Variants in ADARB1 observed in about 807,000 individuals in gnomAD.
ADARB1 encodes the protein adenosine deaminase RNA specific B1.
ADARB1 carries 10 observed loss-of-function variants against 52.4 expected under a neutral mutation model. The observed-to-expected ratio is 0.19, with a 90% CI of 0.12 to 0.32. ADARB1 has a LOEUF of 0.32. Ranked by LOEUF, ADARB1 falls within the 10% of genes least tolerant of loss-of-function variation. ADARB1 has a pLI of 1.00. For missense variants in ADARB1, 643 were observed against 922.3 expected (o/e 0.70, Z 3.92); for synonymous variants, 349 against 371.1 (o/e 0.94, Z 0.68).
chr21:45,106,193 C>CTTTT (rs35544997), intron 1 of ADARB1, among the ~76,000 whole-genome samples: 3,194 of 146,484 alleles, frequency 0.022, 109 homozygotes, highest in African/African-American at 0.072. Context: ...CCGTGGGAGG[C>CTTTT]TTTTTTTTTT....
chr21:45,078,905 C>T (rs948151954), intron 1 of ADARB1, among the ~76,000 whole-genome samples: 2 of 152,120 alleles, frequency 1.3e-5, no homozygotes, highest in Non-Finnish European at 2.9e-5. Context: ...GCATTATTAT[C>T]ATTATTCCCA....
chr21:45,176,159 T>C lies in ADARB1; in HGVS notation c.458T>C (p.Leu153Pro). The change falls in exon 4 of 11, where the codon CTG becomes CCG. Residue 153 changes from leucine to proline, a missense_variant. Leu to Pro is a moderately conservative substitution (Grantham distance 98). This residue lies in a region of ADARB1 where 380 missense variants were observed against 446.5 expected (regional missense o/e 0.85). Coordinates refer to ENST00000348831, the MANE Select transcript of ADARB1 (RefSeq NM_001112.4). The surrounding 1 kb of genome is among the most constrained non-coding windows in gnomAD (Gnocchi z 5.8). ...TTTCCTAATGCCTCTGAGGCCCACCTGGCCATGGGGAGGACCCTGTCTGTC... is the reference window on the plus strand; with the variant it reads ...TTTCCTAATGCCTCTGAGGCCCACCCGGCCATGGGGAGGACCCTGTCTGTC... ...VQFPNASEAH[L>P]AMGRTLSVNT... The C allele has an allele frequency of 1.2e-6, 2 of 1,614,226 alleles. No homozygotes were observed. The highest frequency in any genetic ancestry group is 1.7e-6 in the Non-Finnish European group (2 of 1,180,026).
intron 1 of ADARB1, among the ~76,000 whole-genome samples, chr21:45,097,994 C>T (rs1263677037): frequency 6.6e-6 from 1 of 152,166 alleles, no homozygotes. Context: ...CAGTGAACGT[C>T]ACCAACACCC....
chr21:45,165,084 C>A (rs2091190855), intron 2 of ADARB1, among the ~76,000 whole-genome samples: 1 of 152,200 alleles, frequency 6.6e-6, no homozygotes, highest in Non-Finnish European at 1.5e-5. Context: ...CAGGCCCACC[C>A]CCGCCCAGCC....
chr21:45,222,361 C>T lies in ADARB1; in HGVS notation c.*164C>T, dbSNP rs1184889738. 1 of 1,373,392 alleles carries T rather than the reference C, an allele frequency of 7.3e-7. No individual in the cohort carries two copies. Among genetic ancestry groups the T allele is most frequent in the African/African-American group, 1.5e-5 (1 of 67,108 alleles). The allele number at this position is 1,373,392 out of a possible 1,614,324, so 85.1% of individuals were successfully genotyped here. ...TTGTCCCCAGCATCTCACATCAGAC[C>T]TGGGGCAGGTGCGCAGTGTGGGGAG... On this transcript the variant is annotated 3_prime_UTR_variant, in exon 11 of 11. Coordinates refer to ENST00000348831, the MANE Select transcript of ADARB1 (RefSeq NM_001112.4).
intron 2 of ADARB1, among the ~76,000 whole-genome samples, chr21:45,139,509 G>A (rs1218780968): frequency 6.6e-6 from 1 of 152,110 alleles, no homozygotes; most frequent in Non-Finnish European, 1.5e-5. Context: ...CTGGCATGGA[G>A]TGGTAGAGCA....
intron 2 of ADARB1, among the ~76,000 whole-genome samples, chr21:45,169,894 A>T (rs1275598301): frequency 6.6e-6 from 1 of 152,098 alleles, no homozygotes; most frequent in Admixed American, 6.5e-5. Flanking sequence ...GCATGTCCTC[A>T]TTTTTTGGCC....
intron 8 of ADARB1, among the ~76,000 whole-genome samples, chr21:45,195,786 CA>C (rs373446969): frequency 1.1e-4 from 16 of 152,168 alleles, no homozygotes; most frequent in Admixed American, 2.6e-4. Flanking sequence ...ATTCTTTCAC[CA>C]ATACCATGCT....
intron 1 of ADARB1, among the ~76,000 whole-genome samples, chr21:45,092,350 CTCTT>C (rs1213792023): frequency 1.3e-5 from 2 of 152,228 alleles, no homozygotes; most frequent in African/African-American, 4.8e-5. Flanking sequence ...TGACCTCTCT[CTCTT>C]CTCATTCTCT....
rs2087914772 is a variant in ADARB1, at chr21:45,117,789, T to C, written c.-219-10613T>C. On this transcript the variant is annotated intron_variant, in intron 1 of 10. Coordinates refer to ENST00000348831, the MANE Select transcript of ADARB1 (RefSeq NM_001112.4). ...TAAAAAACACATTGCAGCTCATGAA[T>C]GGGTATAAATTAAGTTGGAGATTTC... is the stretch of plus-strand genomic sequence containing the variant. Among the ~76,000 whole-genome samples the C allele has an allele frequency of 2.6e-5, 4 of 152,302 alleles. No individual in the cohort carries two copies. In the South Asian group the frequency reaches 8.3e-4, roughly 32 times the overall value.
rs749588560 is a variant in ADARB1 at position 45,176,179 on chromosome 21, T to C, written c.478T>C (p.Ser160Pro). 6.2e-7 allele frequency: 1 copy of C among 1,614,190 alleles called. No homozygotes were observed. Among genetic ancestry groups the C allele is most frequent in the Admixed American group, 1.7e-5 (1 of 60,022 alleles). ...EAHLAMGRTLSVNTDFTSDQA... is the reference protein window; with the variant it reads ...EAHLAMGRTLPVNTDFTSDQA... ...CCACCTGGCCATGGGGAGGACCCTG[T>C]CTGTCAACACGGACTTCACATCTGA... The change falls in exon 4 of 11, where the codon TCT becomes CCT. Residue 160 changes from serine (S) to proline (P), a missense_variant. Physicochemically the swap from Ser to Pro is moderately conservative, Grantham distance 74. Transcript: ENST00000348831. This position sits in a 1 kb window ranked among gnomAD's most constrained non-coding sequence, Gnocchi z 5.8.
At chr21:45,104,268 A>G (rs1459162089) in intron 1 of ADARB1, among the ~76,000 whole-genome samples, 1 of 152,206 alleles carries the variant, frequency 6.6e-6, no homozygotes, top group Non-Finnish European at 1.5e-5. Flanking sequence ...TATGTGCTGC[A>G]GTCACTTCTG....
intron 1 of ADARB1, among the ~76,000 whole-genome samples, chr21:45,095,209 TC>T (rs2086708809): frequency 6.6e-6 from 1 of 152,192 alleles, no homozygotes; most frequent in South Asian, 2.1e-4. Flanking sequence ...TCTGTGCAGG[TC>T]CCCCAGTCAC....
chr21:45,144,757 G>A, intron 2 of ADARB1: 1 of 385,104 alleles, frequency 2.6e-6, no homozygotes, highest in South Asian at 2.0e-5. Flanking sequence ...GAGAGCCAGT[G>A]CCCCACCAGG....
chr21:45,133,897 G>A (rs1359864476), intron 2 of ADARB1, among the ~76,000 whole-genome samples: 1 of 124,076 alleles, frequency 8.1e-6, no homozygotes, highest in African/African-American at 3.1e-5. Context: ...GTGTGCGCCC[G>A]ACGGGGGTGT....
At chr21:45,171,064 T>C (rs2091460553) in intron 2 of ADARB1, among the ~76,000 whole-genome samples, 1 of 152,168 alleles carries the variant, frequency 6.6e-6, no homozygotes, top group Admixed American at 6.5e-5. Flanking sequence ...GTGGCTTTAG[T>C]TTACAGCTGG....
intron 1 of ADARB1, among the ~76,000 whole-genome samples, chr21:45,105,671 T>C (rs919822848): frequency 6.6e-6 from 1 of 152,258 alleles, no homozygotes; most frequent in Non-Finnish European, 1.5e-5. Context: ...TTATGTTCTT[T>C]ACTAAATTTG....
intron 9 of ADARB1, among the ~76,000 whole-genome samples, chr21:45,210,060 G>A (rs947952910): frequency 4.6e-5 from 7 of 152,320 alleles, no homozygotes; most frequent in African/African-American, 1.4e-4. Flanking sequence ...CCTGCACCAC[G>A]GCCGCCACAC....
At chr21:45,077,042 G>C (rs2085966839) in intron 1 of ADARB1, among the ~76,000 whole-genome samples, 1 of 152,196 alleles carries the variant, frequency 6.6e-6, no homozygotes, top group Non-Finnish European at 1.5e-5. Flanking sequence ...ATTGTGTATT[G>C]TCCTAGCAGG....
Sources: gnomAD v4.1 joint callset for allele counts (sites outside exome capture counted in the v4.1 genomes callset) on GRCh38, gnomAD v4.1.1 for gene constraint, gnomAD v4.1.1 regional missense constraint, Gnocchi (gnomAD v3.1) non-coding constraint, MANE v1.5 for transcripts, NCBI Gene and HGNC (gene_info 2026-07-23, HGNC 2026-07-21) for gene names.